TMCC1: variants seen among roughly 807,000 people sequenced by gnomAD.
TMCC1 encodes transmembrane and coiled-coil domains protein 1.
A neutral mutation model predicts 52.4 loss-of-function variants in TMCC1; 15 were observed. The observed-to-expected ratio is 0.29, with a 90% CI of 0.19 to 0.44. The LOEUF (loss-of-function observed/expected upper bound fraction) is 0.44. Ranked by LOEUF, TMCC1 falls within the 20% of genes least tolerant of loss-of-function variation. TMCC1 has a pLI of 1.00. For missense variants in TMCC1, 503 were observed against 806.0 expected (o/e 0.62, Z 4.55); for synonymous variants, 279 against 301.9 (o/e 0.92, Z 0.79).
intron 4 of TMCC1, among the ~76,000 whole-genome samples, chr3:129,813,166 T>A (rs1239926148): frequency 6.6e-6 from 1 of 152,162 alleles, no homozygotes; most frequent in Non-Finnish European, 1.5e-5. Context: ...AAATAACAGA[T>A]GCTGGTGAGG....
intron 2 of TMCC1, among the ~76,000 whole-genome samples, chr3:129,861,765 A>G (rs1023061398): frequency 6.6e-6 from 1 of 152,218 alleles, no homozygotes; most frequent in Non-Finnish European, 1.5e-5. Context: ...GCTGGTGGGA[A>G]TGTAAAATGG....
intron 4 of TMCC1, among the ~76,000 whole-genome samples, chr3:129,791,673 T>C (rs565365320): frequency 6.6e-6 from 1 of 152,270 alleles, no homozygotes; most frequent in African/African-American, 2.4e-5. Flanking sequence ...TGAAGTCACA[T>C]GTAAGATAAC....
chr3:129,879,946 G>A (rs563814343), intron 2 of TMCC1, among the ~76,000 whole-genome samples: 2 of 152,154 alleles, frequency 1.3e-5, no homozygotes, highest in African/African-American at 2.4e-5. Flanking sequence ...AGCTGAGGTG[G>A]GGGATCACTT....
At chr3:129,888,129 A>G (rs765139527) in intron 1 of TMCC1, among the ~76,000 whole-genome samples, 5 of 152,248 alleles carry the variant, frequency 3.3e-5, no homozygotes, top group Non-Finnish European at 7.3e-5. Context: ...TGAAACCACT[A>G]TACGTGTATG....
chr3:129,845,877 ATTT>A (rs1419499321), intron 2 of TMCC1, among the ~76,000 whole-genome samples: 1 of 152,030 alleles, frequency 6.6e-6, no homozygotes, highest in African/African-American at 2.4e-5. Context: ...ACAAAAAAAA[ATTT>A]TTAAGTGGCC....
At chr3:129,887,309 CA>C (rs2061753428) in intron 1 of TMCC1, among the ~76,000 whole-genome samples, 1 of 151,626 alleles carries the variant, frequency 6.6e-6, no homozygotes, top group Non-Finnish European at 1.5e-5. Context: ...TTTGGGAGGC[CA>C]AGGAGGGCGG....
chr3:129,861,898 G>A (rs1448451985), intron 2 of TMCC1, among the ~76,000 whole-genome samples: 1 of 152,040 alleles, frequency 6.6e-6, no homozygotes, highest in Non-Finnish European at 1.5e-5. Flanking sequence ...ACAAAACCTT[G>A]TACATAAACG....
At chr3:129,851,685 C>A (rs1196864831) in intron 2 of TMCC1, among the ~76,000 whole-genome samples, 2 of 152,022 alleles carry the variant, frequency 1.3e-5, no homozygotes, top group Non-Finnish European at 2.9e-5. Flanking sequence ...TGGTGGTTCC[C>A]AGAAAATTAA....
At position 129,763,218 on chromosome 3, in the gene TMCC1, AT is replaced by A. The variant is rs1200423719; in HGVS notation, c.576+64584del. ...GTCTCAAAAAATAAAAAATAAATAA[AT>A]AAATAAATAAATAAATAAATAAATA... On this transcript the variant is annotated intron_variant, in intron 4 of 6. Transcript: ENST00000393238. 7.6e-4 allele frequency among the ~76,000 whole-genome samples: 94 copies of A among 122,958 alleles called. 3 individuals are homozygous for A. Among genetic ancestry groups the A allele is most frequent in the Non-Finnish European group, 1.1e-3 (63 of 55,732 alleles). 80.7% of individuals were successfully genotyped at this position (122,958 alleles called of 152,430 possible).
intron 2 of TMCC1, among the ~76,000 whole-genome samples, chr3:129,843,622 T>C (rs543551181): frequency 1.1e-4 from 16 of 152,162 alleles, no homozygotes; most frequent in African/African-American, 3.6e-4. Flanking sequence ...CTAAATTTGA[T>C]AGCTTAGATA....
At chr3:129,809,478 C>T (rs2057677333) in intron 4 of TMCC1, among the ~76,000 whole-genome samples, 2 of 152,024 alleles carry the variant, frequency 1.3e-5, no homozygotes, top group South Asian at 2.1e-4. Flanking sequence ...TTCATTTGTT[C>T]CTGTAGCTTA....
intron 4 of TMCC1, among the ~76,000 whole-genome samples, chr3:129,770,144 C>CA (rs2054438092): frequency 6.6e-6 from 1 of 152,176 alleles, no homozygotes; most frequent in Non-Finnish European, 1.5e-5. Context: ...TCTGGGGCTT[C>CA]AAGGGATCTT....
intron 4 of TMCC1, among the ~76,000 whole-genome samples, chr3:129,775,373 G>A (rs1349300949): frequency 1.3e-5 from 2 of 152,040 alleles, no homozygotes; most frequent in African/African-American, 4.8e-5. Flanking sequence ...AGCCTGAGGT[G>A]GGAGGACTGT....
At chr3:129,687,673 C>T (rs980118620) in intron 4 of TMCC1, among the ~76,000 whole-genome samples, 5 of 152,166 alleles carry the variant, frequency 3.3e-5, no homozygotes, top group African/African-American at 1.2e-4. Flanking sequence ...GCATTCACAA[C>T]CACTTGATAT....
intron 4 of TMCC1, among the ~76,000 whole-genome samples, chr3:129,824,296 G>A (rs1477372162): frequency 2.0e-5 from 3 of 151,990 alleles, no homozygotes; most frequent in African/African-American, 7.2e-5. Context: ...AGATCATGCC[G>A]CTGCACTCCA....
At position 129,709,381 on chromosome 3, in the gene TMCC1, TGGGA is replaced by T. The variant is rs201649663; in HGVS notation, c.577-38121_577-38118del. On this transcript the variant is annotated intron_variant, in intron 4 of 6. Transcript: ENST00000393238. ...GTCCCACCTACTTGGGAGGCTGAGG[TGGGA>T]GGATCACCTGAGCCCAGGAGGCCCA... Among the ~76,000 whole-genome samples the T allele has an allele frequency of 3.9e-3, 535 of 138,206 alleles. 8 individuals carry two copies. Among genetic ancestry groups the T allele is most frequent in the African/African-American group, 0.012 (441 of 36,778 alleles). 90.7% of individuals were successfully genotyped at this position (138,206 alleles called of 152,430 possible). A position where few individuals can be genotyped will look rare whatever the true frequency, so the allele number is the denominator to read the frequency against.
intron 2 of TMCC1, among the ~76,000 whole-genome samples, chr3:129,857,026 C>T (rs2060172741): frequency 6.6e-6 from 1 of 152,048 alleles, no homozygotes; most frequent in South Asian, 2.1e-4. Flanking sequence ...TCAGGCAATC[C>T]CCCTGCCTCA....
rs561352065 is a variant in TMCC1 at position 129,864,382 on chromosome 3, T to C, written c.-184+15927A>G. 3.3e-5 allele frequency among the ~76,000 whole-genome samples: 5 copies of C among 152,314 alleles called. No individual in the cohort carries two copies. The East Asian group carries it at 5.8e-4, about 18-fold the overall frequency. On this transcript the variant is annotated intron_variant, in intron 2 of 6. Transcript: ENST00000393238. The stretch of plus-strand genomic sequence containing the variant: ...TTTATACCTATGCCCAATTAGAAAC[T>C]AGACAGTAACTTATCCAAAGTGATA...
chr3:129,845,206 A>G (rs926828228), intron 2 of TMCC1, among the ~76,000 whole-genome samples: 2 of 151,982 alleles, frequency 1.3e-5, no homozygotes, highest in African/African-American at 2.4e-5. Context: ...ACACACACAC[A>G]CACACACACA....
Sources: gnomAD v4.1 joint callset for allele counts (sites outside exome capture counted in the v4.1 genomes callset) on GRCh38, gnomAD v4.1.1 for gene constraint, MANE v1.5 for transcripts, NCBI Gene and HGNC (gene_info 2026-07-23, HGNC 2026-07-21) for gene names.